The following ZFHX3 variants were observed in gnomAD, a reference collection of about 807,000 sequenced individuals.
The protein encoded by ZFHX3 is zinc finger homeobox 3, also known as zinc finger homeobox protein 3.
Under a neutral mutation model 279.1 loss-of-function variants are expected in ZFHX3, and 42 were observed. The ratio of observed to expected loss-of-function variants is 0.15; its 90% CI spans 0.12 to 0.19. ZFHX3 has a LOEUF of 0.19. ZFHX3 is among the 10% of genes least tolerant of loss of function. The pLI is 1.00. For missense variants in ZFHX3, 4,981 were observed against 4,754.0 expected (o/e 1.05, Z -1.40); for synonymous variants, 2,293 against 1,957.8 (o/e 1.17, Z -4.52).
At chr16:72,929,992 C>T (rs1216311636) in intron 3 of ZFHX3, among the ~76,000 whole-genome samples, 1 of 152,108 alleles carries the variant, frequency 6.6e-6, no homozygotes, top group African/African-American at 2.4e-5. Context: ...CCGAAGTGGG[C>T]GGATCACTGG....
At chr16:73,501,290 C>T (rs2019234806) in intron 2 of ZFHX3, among the ~76,000 whole-genome samples, 1 of 152,206 alleles carries the variant, frequency 6.6e-6, no homozygotes, top group African/African-American at 2.4e-5. Flanking sequence ...ATGAATGAGG[C>T]ATTTCTTAGA....
chr16:72,841,963 T>C (rs1270724694), intron 4 of ZFHX3, among the ~76,000 whole-genome samples: 1 of 152,204 alleles, frequency 6.6e-6, no homozygotes, highest in Non-Finnish European at 1.5e-5. Context: ...AATGTTGCCA[T>C]GAGATGACAA....
intron 2 of ZFHX3, among the ~76,000 whole-genome samples, chr16:73,478,264 C>CAAAAAAAAAA (rs1162656010): frequency 1.1e-4 from 7 of 61,584 alleles, no homozygotes; most frequent in African/African-American, 4.2e-4. Context: ...GACTCCATCT[C>CAAAAAAAAAA]AAAAAAAAAA....
chr16:73,730,888 T>C (rs529792237), intron 1 of ZFHX3, among the ~76,000 whole-genome samples: 1 of 152,248 alleles, frequency 6.6e-6, no homozygotes, highest in African/African-American at 2.4e-5. Context: ...CCCTGGGCTC[T>C]CTCCGTAGGT....
chr16:73,519,874 C>T (rs759906538), intron 2 of ZFHX3, among the ~76,000 whole-genome samples: 14 of 152,190 alleles, frequency 9.2e-5, no homozygotes, highest in African/African-American at 1.9e-4. Flanking sequence ...GAATTAAGGT[C>T]GTTTCATTTT....
chr16:73,360,689 G>A (rs186591777), intron 3 of ZFHX3, among the ~76,000 whole-genome samples: 2 of 152,320 alleles, frequency 1.3e-5, no homozygotes, highest in Non-Finnish European at 2.9e-5. Context: ...AGCTGGCACT[G>A]TTAACTCTGG....
intron 2 of ZFHX3, among the ~76,000 whole-genome samples, chr16:73,646,925 T>C (rs2052623118): frequency 6.6e-6 from 1 of 151,666 alleles, no homozygotes. Context: ...CTTTGGAGAG[T>C]GAAAGAACGT....
chr16:72,872,173 T>C lies in ZFHX3; in HGVS notation c.3448+17558A>G, dbSNP rs373402729. On this transcript the variant is annotated intron_variant, in intron 4 of 9. Transcript: ENST00000268489. ...ATTCCTAACATCCCCAGTCCAATTA[T>C]ATAATTTTGTATTCTTAAGTATTGC... Among the ~76,000 whole-genome samples the C allele has an allele frequency of 3.9e-5, 6 of 152,328 alleles. No individual in the cohort carries two copies. The South Asian group carries it at 1.0e-3, about 26-fold the overall frequency.
chr16:73,700,388 C>T (rs2053235903), intron 1 of ZFHX3, among the ~76,000 whole-genome samples: 3 of 152,190 alleles, frequency 2.0e-5, no homozygotes, highest in Admixed American at 2.0e-4. Flanking sequence ...TAGGGCTTTG[C>T]AAGACACGAT....
intron 1 of ZFHX3, among the ~76,000 whole-genome samples, chr16:73,041,492 T>A (rs1392816690): frequency 6.6e-6 from 1 of 151,866 alleles, no homozygotes; most frequent in African/African-American, 2.4e-5. Context: ...TACTATCTTA[T>A]GAAAAACAAA....
Position 72,911,996 on chromosome 16 carries a change from T to TA in ZFHX3, c.3217-22035dup, listed in dbSNP as rs1019493262. Among the ~76,000 whole-genome samples, 14 of 152,304 alleles carry TA rather than the reference T, an allele frequency of 9.2e-5. 1 individual carries two copies. Among genetic ancestry groups the TA allele is most frequent in the Admixed American group, 9.1e-4 (14 of 15,302 alleles). On this transcript the variant is annotated intron_variant, in intron 3 of 9. Transcript: ENST00000268489. ...TGTAGACGCTGTCTAGGGAATAACATAAAAAATAAGCATTCCATTCTAAGT... is the reference window on the plus strand; with the variant it reads ...TGTAGACGCTGTCTAGGGAATAACATAAAAAAATAAGCATTCCATTCTAAGT...
At chr16:73,247,004 G>A (rs946560407) in intron 5 of ZFHX3, among the ~76,000 whole-genome samples, 1 of 152,176 alleles carries the variant, frequency 6.6e-6, no homozygotes, top group African/African-American at 2.4e-5. Context: ...TGACACGTCT[G>A]TGTGCCTATA....
intron 3 of ZFHX3, among the ~76,000 whole-genome samples, chr16:73,331,597 A>G (rs1033563539): frequency 7.2e-5 from 11 of 152,194 alleles, no homozygotes; most frequent in Non-Finnish European, 5.9e-5. Context: ...CATGAGATGC[A>G]GTTAAGAGGA....
intron 1 of ZFHX3, among the ~76,000 whole-genome samples, chr16:73,833,199 C>T (rs892368040): frequency 5.3e-5 from 8 of 152,066 alleles, no homozygotes; most frequent in African/African-American, 1.9e-4. Flanking sequence ...CTCATCTCTA[C>T]AAAAGATTTA....
chr16:73,176,928 C>T (rs775177568), intron 5 of ZFHX3, among the ~76,000 whole-genome samples: 3 of 151,948 alleles, frequency 2.0e-5, no homozygotes, highest in Non-Finnish European at 4.4e-5. Flanking sequence ...ATCTTCGGCC[C>T]CACCTAGATT....
intron 3 of ZFHX3, among the ~76,000 whole-genome samples, chr16:73,350,525 T>C (rs1028157738): frequency 3.3e-5 from 5 of 152,180 alleles, no homozygotes; most frequent in Non-Finnish European, 7.4e-5. Flanking sequence ...GACTCCTGAG[T>C]GTCTCCTGGA....
intron 2 of ZFHX3, among the ~76,000 whole-genome samples, chr16:73,575,552 GGAGT>G (rs1156307008): frequency 2.0e-5 from 3 of 152,184 alleles, no homozygotes; most frequent in African/African-American, 7.2e-5. Context: ...GAAGGGGTCT[GGAGT>G]GAGAGAAATA....
intron 3 of ZFHX3, among the ~76,000 whole-genome samples, chr16:73,343,304 A>C (rs1295199148): frequency 6.6e-6 from 1 of 152,194 alleles, no homozygotes; most frequent in Non-Finnish European, 1.5e-5. Context: ...CCTGATGCTC[A>C]GATCTTTCAA....
At chr16:72,969,954 C>A (rs933299515) in intron 1 of ZFHX3, among the ~76,000 whole-genome samples, 1 of 152,230 alleles carries the variant, frequency 6.6e-6, no homozygotes, top group Non-Finnish European at 1.5e-5. Flanking sequence ...GCCGGACGCC[C>A]ACTGCCCAGA....
Sources: gnomAD v4.1 joint callset for allele counts (sites outside exome capture counted in the v4.1 genomes callset) on GRCh38, gnomAD v4.1.1 for gene constraint, MANE v1.5 for transcripts, NCBI Gene and HGNC (gene_info 2026-07-23, HGNC 2026-07-21) for gene names.